The following TTC34 variants were observed in gnomAD, a reference collection of about 807,000 sequenced individuals.
The protein encoded by TTC34 is tetratricopeptide repeat domain 34.
Under a neutral mutation model 40.7 loss-of-function variants are expected in TTC34, and 44 were observed. The observed-to-expected ratio is 1.08, with a 90% CI of 0.85 to 1.39. TTC34 has a LOEUF of 1.39. TTC34 is among the 40% of genes most tolerant of loss of function. The probability of loss-of-function intolerance (pLI) is 0.00; values close to 1 mark genes in which losing one functional copy is unlikely to be tolerated. For missense variants in TTC34, 884 were observed against 838.0 expected (o/e 1.05, Z -0.68); for synonymous variants, 422 against 398.6 (o/e 1.06, Z -0.70).
intron 6 of TTC34, among the ~76,000 whole-genome samples, chr1:2,677,291 CA>C (rs1639940731): frequency 1.7e-5 from 1 of 59,346 alleles, no homozygotes; most frequent in Non-Finnish European, 3.8e-5. Context: ...CACCCACAAC[CA>C]CAGGTGAGCA....
At chr1:2,749,083 C>G (rs1569684859) in intron 6 of TTC34, among the ~76,000 whole-genome samples, 78 of 138,770 alleles carry the variant, frequency 5.6e-4, no homozygotes, top group African/African-American at 1.8e-3. Flanking sequence ...CACCCACAAC[C>G]CCAGGCGAGC....
intron 6 of TTC34, among the ~76,000 whole-genome samples, chr1:2,750,084 C>G (rs1641265764): frequency 7.5e-5 from 9 of 120,026 alleles, no homozygotes; most frequent in East Asian, 2.7e-4. Flanking sequence ...AGCAGGCACA[C>G]CCCCAGTGAG....
intron 2 of TTC34, among the ~76,000 whole-genome samples, chr1:2,790,582 G>A (rs1024341297): frequency 5.9e-5 from 9 of 152,212 alleles, no homozygotes; most frequent in Non-Finnish European, 5.9e-5. Context: ...CTGGGCAAGC[G>A]GCGAGGGGGC....
intron 6 of TTC34, among the ~76,000 whole-genome samples, chr1:2,672,782 C>G (rs1639748192): frequency 1.1e-5 from 1 of 93,238 alleles, no homozygotes; most frequent in East Asian, 2.5e-4. Context: ...CAACCTGGAG[C>G]AGCACCCACG....
chr1:2,645,463 T>C lies in TTC34; in HGVS notation c.2327A>G (p.Gln776Arg). The C allele has an allele frequency of 1.3e-6, 2 of 1,534,562 alleles. No individual in the cohort carries two copies. The highest frequency in any genetic ancestry group is 1.7e-6 in the Non-Finnish European group (2 of 1,146,342). Residue 776 changes from glutamine (Q) to arginine (R), a missense_variant, in exon 7 of 9, where the codon CAG (glutamine) becomes CGG (arginine). Gln to Arg is a conservative substitution (Grantham distance 43, BLOSUM62 1). Coordinates refer to ENST00000401095, the Ensembl canonical transcript of TTC34. The surrounding 1 kb of genome is among the most constrained non-coding windows in gnomAD (Gnocchi z 4.7). The stretch of plus-strand genomic sequence containing the variant: ...GGCCCGGCAGTGGGAGTAGAGGCCC[T>C]GTGTGATGAGGGCCTGGGCTTCCGG...
chr1:2,684,999 C>G (rs544731181), intron 6 of TTC34, among the ~76,000 whole-genome samples: 2 of 146,492 alleles, frequency 1.4e-5, no homozygotes, highest in South Asian at 2.1e-4. Flanking sequence ...CACCCATACC[C>G]CCAGGCGAGC....
At chr1:2,800,819 TGAC>T (rs1426013078) in exon 2 of TTC34, 1 of 398,536 alleles carries the variant, frequency 2.5e-6, no homozygotes, top group Non-Finnish European at 4.4e-6. Context: ...GCTCCTGGGC[TGAC>T]ATCATGTCTG....
In TTC34 at chr1:2,755,972, A is replaced by G. The variant is rs1641491733; in HGVS notation, c.2226+27637T>C. On this transcript the variant is annotated intron_variant, in intron 6 of 8. Coordinates refer to ENST00000401095, the Ensembl canonical transcript of TTC34. ...CCAGGTGAGGATCTGACAGCCTGGA[A>G]CAGCACCCTGCAACCCAGGTGAGCA... 4.1e-5 allele frequency among the ~76,000 whole-genome samples: 3 copies of G among 73,550 alleles called. 1 individual carries two copies. The highest frequency in any genetic ancestry group is 2.4e-4 in the Admixed American group (2 of 8,172). The allele number at this position is 73,550 out of a possible 152,430, so 48.3% of individuals were successfully genotyped here.
rs114929444 is a variant in TTC34, at chr1:2,648,509, G to C, written c.2227-2946C>G. Among the ~76,000 whole-genome samples, 1,037 of 152,180 alleles carry C rather than the reference G, an allele frequency of 6.8e-3. 11 individuals carry two copies. The highest frequency in any genetic ancestry group is 0.024 in the African/African-American group (989 of 41,482). On this transcript the variant is annotated intron_variant, in intron 6 of 8. Coordinates refer to ENST00000401095, the Ensembl canonical transcript of TTC34. ...AGGTCACAGCTCTTTGCTGCCTGTTGTTTGGTGCCTGGAAACATTTGCTCA... is the reference window on the plus strand; with the variant it reads ...AGGTCACAGCTCTTTGCTGCCTGTTCTTTGGTGCCTGGAAACATTTGCTCA...
intron 6 of TTC34, among the ~76,000 whole-genome samples, chr1:2,755,155 G>C (rs1320243292): frequency 0.011 from 36 of 3,398 alleles, no homozygotes; most frequent in African/African-American, 0.036. Context: ...AGGTGAGCAT[G>C]TGACAGCCTG....
At chr1:2,673,380 G>T (rs1639771014) in intron 6 of TTC34, among the ~76,000 whole-genome samples, 2 of 70,510 alleles carry the variant, frequency 2.8e-5, no homozygotes, top group South Asian at 7.7e-4. Context: ...CTGAGGGCCT[G>T]GGTCGGCACC....
In TTC34 at chr1:2,683,351, C is replaced by G. The variant is rs1400714681; in HGVS notation, c.2227-37788G>C. 2.1e-3 allele frequency among the ~76,000 whole-genome samples: 255 copies of G among 123,508 alleles called. 2 individuals are homozygous for G. The highest frequency in any genetic ancestry group is 3.9e-3 in the Admixed American group (46 of 11,830). 81.0% of individuals were successfully genotyped at this position (123,508 alleles called of 152,430 possible). ...TGACAGACTGGAACACCACCCTGCACCCCCAGGTGAGCATCTGATGGCTTG... is the reference window on the plus strand; with the variant it reads ...TGACAGACTGGAACACCACCCTGCAGCCCCAGGTGAGCATCTGATGGCTTG... On this transcript the variant is annotated intron_variant, in intron 6 of 8. Transcript: ENST00000401095.
chr1:2,677,663 A>C (rs1158114196), intron 6 of TTC34, among the ~76,000 whole-genome samples: 2 of 151,658 alleles, frequency 1.3e-5, no homozygotes, highest in Admixed American at 1.3e-4. Context: ...CCAGGCGAGC[A>C]TCTGACAGCC....
At chr1:2,688,968 CTG>C (rs1640500803) in intron 6 of TTC34, among the ~76,000 whole-genome samples, 1 of 24,226 alleles carries the variant, frequency 4.1e-5, no homozygotes. Context: ...GAACAGCACC[CTG>C]CACCCCCAGG....
exon 9 of TTC34, chr1:2,641,197 G>C: frequency 1.7e-6 from 1 of 585,758 alleles, no homozygotes; most frequent in Non-Finnish European, 2.6e-6. Flanking sequence ...GGGAAGGGGG[G>C]TTGTGGGGAG....
chr1:2,767,217 T>C (rs1156574848), intron 6 of TTC34, among the ~76,000 whole-genome samples: 72 of 22,094 alleles, frequency 3.3e-3, no homozygotes, highest in African/African-American at 4.1e-3. Context: ...GGTGAGCATC[T>C]GACAGCCTGG....
intron 6 of TTC34, chr1:2,775,104 CCAACCA>C: frequency 7.3e-6 from 1 of 137,410 alleles, no homozygotes; most frequent in African/African-American, 2.8e-5. Flanking sequence ...ACAGAATTCT[CCAACCA>C]CAGGTGAGGA....
chr1:2,646,247 G>A (rs559876646), intron 6 of TTC34, among the ~76,000 whole-genome samples: 6 of 152,274 alleles, frequency 3.9e-5, no homozygotes, highest in Admixed American at 1.3e-4. Context: ...CACAGTCTAT[G>A]TACAGTTAAT....
Position 2,796,344 on chromosome 1 carries a change from T to C in TTC34, c.784+3700A>G, listed in dbSNP as rs912929089. ...AACTGCATCTGTAAAAAGTCTGTTA[T>C]AGGAAAATTCATTTCTTCTCTTCTC... On this transcript the variant is annotated intron_variant, in intron 2 of 8. Transcript: ENST00000401095. This position sits in a 1 kb window ranked among gnomAD's most constrained non-coding sequence, Gnocchi z 4.5. Among the ~76,000 whole-genome samples, 2 of 152,236 alleles carry C rather than the reference T, an allele frequency of 1.3e-5. No homozygotes were observed. Among genetic ancestry groups the C allele is most frequent in the South Asian group, 2.1e-4 (1 of 4,828 alleles).
Sources: allele counts gnomAD v4.1 joint callset (sites outside exome capture counted in the v4.1 genomes callset), GRCh38; gene constraint gnomAD v4.1.1; non-coding constraint Gnocchi (gnomAD v3.1); transcripts MANE v1.5; gene names NCBI Gene and HGNC (gene_info 2026-07-23, HGNC 2026-07-21).